MAPK8IP3: variants seen among roughly 807,000 people sequenced by gnomAD.
The protein encoded by MAPK8IP3 is C-Jun-amino-terminal kinase-interacting protein 3.
In MAPK8IP3, 49 loss-of-function variants were observed where a neutral mutation model predicts 157.8. The ratio of observed to expected loss-of-function variants is 0.31; its 90% CI spans 0.25 to 0.39. MAPK8IP3 has a LOEUF of 0.39. Among genes scored for constraint, MAPK8IP3 ranks in the 10% least tolerant of loss-of-function variants. The pLI is 1.00. For missense variants in MAPK8IP3, 1,478 were observed against 1,889.4 expected, an observed-to-expected ratio of 0.78 and a Z score of 4.04; for synonymous variants, 897 against 777.7, an observed-to-expected ratio of 1.15 and a Z score of -2.55.
chr16:1,730,625 T>C (rs572410129), intron 4 of MAPK8IP3, among the ~76,000 whole-genome samples: 111 of 151,820 alleles, frequency 7.3e-4, no homozygotes, highest in Admixed American at 2.4e-3. Flanking sequence ...GGGCGGATCA[T>C]GAGGTCAGGA....
intron 12 of MAPK8IP3, among the ~76,000 whole-genome samples, chr16:1,760,894 C>T (rs1041859134): frequency 3.9e-5 from 6 of 152,224 alleles, no homozygotes; most frequent in Non-Finnish European, 8.8e-5. Context: ...GAGACCATGC[C>T]TCTGCCTAAG....
chr16:1,718,242 T>C (rs2038286378), intron 1 of MAPK8IP3, among the ~76,000 whole-genome samples: 2 of 150,568 alleles, frequency 1.3e-5, no homozygotes, highest in African/African-American at 4.9e-5. Context: ...TGGAGTGCAA[T>C]GTCATGGCCT....
chr16:1,710,990 G>A lies in MAPK8IP3; in HGVS notation c.318+4333G>A, dbSNP rs1016149817. On this transcript the variant is annotated intron_variant, in intron 1 of 31. Transcript: ENST00000610761. The surrounding 1 kb of genome is among the most constrained non-coding windows in gnomAD (Gnocchi z 4.1). Reference sequence around the variant, plus strand: ...CACGGGACAGAGGCCGAAGTGGCCCGGAGGCCGCTGGGCGCAGCCTGCCCC... The same window carrying A: ...CACGGGACAGAGGCCGAAGTGGCCCAGAGGCCGCTGGGCGCAGCCTGCCCC... 6.6e-5 allele frequency among the ~76,000 whole-genome samples: 10 copies of A among 152,222 alleles called. No homozygotes were observed. Among genetic ancestry groups the A allele is most frequent in the Admixed American group, 3.3e-4 (5 of 15,284 alleles).
rs1238738754 is a variant in MAPK8IP3 at position 1,729,166 on chromosome 16, G to T, written c.468G>T (p.Glu156Asp). The T allele has an allele frequency of 6.2e-7, 1 of 1,613,982 alleles. No homozygotes were observed. The highest frequency in any genetic ancestry group is 1.3e-5 in the African/African-American group (1 of 74,952). The change falls in exon 3 of 32, where the codon GAG becomes GAT. Residue 156 changes from glutamate to aspartate, a missense_variant. By Grantham distance (45) the Glu-to-Asp change is conservative (BLOSUM62 2). Transcript: ENST00000610761. Reference protein sequence around the residue: ...QISRLEERESEMKKEYNALHQ... With the variant: ...QISRLEERESDMKKEYNALHQ... ...CCCGGTTGGAGGAGCGGGAGTCGGA[G>T]ATGAAGAAGGAGTACAATGCCCTGC...
intron 1 of MAPK8IP3, among the ~76,000 whole-genome samples, chr16:1,715,874 C>T (rs143312249): frequency 1.3e-4 from 20 of 152,026 alleles, no homozygotes; most frequent in African/African-American, 4.8e-4. Flanking sequence ...CACAGGCGCC[C>T]ACCACCACAC....
At chr16:1,767,996 CACCTTGGAGGGTGCCTTG>C (rs2042375495) in intron 28 of MAPK8IP3, 55 bp from the exon 29 acceptor site, 2 of 1,608,560 alleles carry the variant, frequency 1.2e-6, no homozygotes. Context: ...TCTGCAGGGC[CACCTTGGAGGGTGCCTTG>C]CTGCCCCTAC....
At chr16:1,745,133 G>GGGTA (rs1177046744) in intron 5 of MAPK8IP3, 30 of 985,354 alleles carry the variant, frequency 3.0e-5, no homozygotes, top group Non-Finnish European at 3.6e-5. Flanking sequence ...AGTGTCCCAT[G>GGGTA]GGTAAGTGGT....
chr16:1,734,184 G>GA (rs1249006521), intron 4 of MAPK8IP3, among the ~76,000 whole-genome samples: 2 of 152,278 alleles, frequency 1.3e-5, no homozygotes, highest in African/African-American at 4.8e-5. Context: ...CACAGCACGT[G>GA]AGAAGACGTT....
chr16:1,732,969 G>A (rs1421422588), intron 4 of MAPK8IP3, among the ~76,000 whole-genome samples: 1 of 152,268 alleles, frequency 6.6e-6, no homozygotes. Flanking sequence ...CCCACAGTGG[G>A]AGATTCTCAT....
At chr16:1,716,445 G>A (rs1266827950) in intron 1 of MAPK8IP3, among the ~76,000 whole-genome samples, 2 of 151,300 alleles carry the variant, frequency 1.3e-5, no homozygotes, top group African/African-American at 4.9e-5. Flanking sequence ...TTACAGGTAC[G>A]CACCACCACG....
Position 1,741,970 on chromosome 16 carries a change from C to A in MAPK8IP3, c.603-1362C>A, listed in dbSNP as rs754151786. Among the ~76,000 whole-genome samples the A allele has an allele frequency of 6.6e-6, 1 of 152,168 alleles. No homozygotes were observed. The highest frequency in any genetic ancestry group is 1.5e-5 in the Non-Finnish European group (1 of 68,016). ...AGCTCCTGGTCAGCGGCGGCTGCTG[C>A]GTTCCCCTGTCGCCGTCTGCATCCT... On this transcript the variant is annotated intron_variant, in intron 4 of 31. Transcript: ENST00000610761. The surrounding 1 kb of genome is among the most constrained non-coding windows in gnomAD (Gnocchi z 6.9).
rs1464170882 is a variant in MAPK8IP3 at position 1,767,273 on chromosome 16, C to G, written c.3213C>G (p.Ile1071Met). The change falls in exon 26 of 32, where the codon ATC becomes ATG. Residue 1071 changes from isoleucine to methionine, a missense_variant. Coordinates refer to ENST00000610761, the MANE Select transcript of MAPK8IP3 (RefSeq NM_001318852.2). ...GCTACAAGAACAAGGTGCACGTCAT[C>G]CAGCCCAAGACCATGCAGATAGAGG... ...WCGYKNKVHV[I>M]QPKTMQIEKS... is the part of the protein sequence containing the mutation. 4.3e-6 allele frequency: 7 copies of G among 1,613,268 alleles called. No individual in the cohort carries two copies. Among genetic ancestry groups the G allele is most frequent in the Non-Finnish European group, 5.1e-6 (6 of 1,180,004 alleles).
At position 1,748,588 on chromosome 16, in the gene MAPK8IP3, G is replaced by A; in HGVS notation, c.1098-14G>A. Reference sequence around the variant, plus strand: ...CTGACTCTGCTCTCTCTCCCGACCTGTGGATCCCAACAGCCCAACCCAGGG... The same window carrying A: ...CTGACTCTGCTCTCTCTCCCGACCTATGGATCCCAACAGCCCAACCCAGGG... On this transcript the variant is annotated splice_polypyrimidine_tract_variant and intron_variant, in intron 7 of 31. Coordinates refer to ENST00000610761, the MANE Select transcript of MAPK8IP3 (RefSeq NM_001318852.2). 1 of 1,606,128 alleles carries A rather than the reference G, an allele frequency of 6.2e-7. No homozygotes were observed. The highest frequency in any genetic ancestry group is 8.5e-7 in the Non-Finnish European group (1 of 1,172,920).
rs1392665030 is a variant in MAPK8IP3 at position 1,729,591 on chromosome 16, C to T, written c.602+13C>T. The T allele has an allele frequency of 1.5e-5, 24 of 1,580,828 alleles. No homozygotes were observed. Among genetic ancestry groups the T allele is most frequent in the Non-Finnish European group, 1.9e-5 (22 of 1,161,258 alleles). On this transcript the variant is annotated intron_variant, in intron 4 of 31. Transcript: ENST00000610761. Reference sequence around the variant, plus strand: ...TGCCGGGGCGGAGGTACGCGGGGCGCGGCGGGGTGGAGGTACGCGGGGCGC... The same window carrying T: ...TGCCGGGGCGGAGGTACGCGGGGCGTGGCGGGGTGGAGGTACGCGGGGCGC...
intron 2 of MAPK8IP3, among the ~76,000 whole-genome samples, chr16:1,726,333 G>A (rs1056086509): frequency 6.6e-6 from 1 of 152,170 alleles, no homozygotes; most frequent in South Asian, 2.1e-4. Flanking sequence ...CATTTCATGT[G>A]TGAAACATTC....
chr16:1,758,186 T>C, intron 9 of MAPK8IP3, 27 bp downstream of exon 9: 1 of 1,612,420 alleles, frequency 6.2e-7, no homozygotes, highest in Non-Finnish European at 8.5e-7. Context: ...CCTGTCTGTC[T>C]CCCCTCTGTG....
chr16:1,766,838 G>A (rs2042295241), intron 24 of MAPK8IP3, 35 bp downstream of exon 24: 1 of 1,612,254 alleles, frequency 6.2e-7, no homozygotes, highest in African/African-American at 1.3e-5. Flanking sequence ...GGGCGGCGCG[G>A]GGGAACGGGG....
intron 4 of MAPK8IP3, among the ~76,000 whole-genome samples, chr16:1,732,703 G>C (rs1189909298): frequency 6.6e-6 from 1 of 152,162 alleles, no homozygotes; most frequent in Admixed American, 6.5e-5. Flanking sequence ...GGTGGTGCCA[G>C]CCATCCGCCC....
rs370087442 is a variant in MAPK8IP3 at position 1,762,869 on chromosome 16, C to G, written c.1761C>G (p.Pro587=). 4.0e-5 allele frequency: 65 copies of G among 1,613,244 alleles called. No individual in the cohort carries two copies. In the East Asian group the frequency reaches 4.2e-4, roughly 11 times the overall value. Residue 587 remains proline, a synonymous_variant, in exon 16 of 32, where the codon CCC becomes CCG. Coordinates refer to ENST00000610761, the MANE Select transcript of MAPK8IP3 (RefSeq NM_001318852.2). Reference sequence around the variant, plus strand: ...GCCTCTTCAGCTCTTCCTCCAGCCCCCCTCCGGCCAAGCGCCCCTATCCCT... The same window carrying G: ...GCCTCTTCAGCTCTTCCTCCAGCCCGCCTCCGGCCAAGCGCCCCTATCCCT... The part of the protein sequence containing the change: ...FSRLFSSSSS[P]PPAKRPYPSV...
Sources: gnomAD v4.1 joint callset for allele counts (sites outside exome capture counted in the v4.1 genomes callset) on GRCh38, gnomAD v4.1.1 for gene constraint, Gnocchi (gnomAD v3.1) non-coding constraint, MANE v1.5 for transcripts, NCBI Gene and HGNC (gene_info 2026-07-23, HGNC 2026-07-21) for gene names.